Variants in PCSK2 observed in about 807,000 individuals in gnomAD.
PCSK2 encodes proprotein convertase subtilisin/kexin type 2.
A neutral mutation model predicts 69.7 loss-of-function variants in PCSK2; 14 were observed. The observed-to-expected ratio is 0.20, with a 90% CI of 0.13 to 0.31. The LOEUF is 0.31. Among genes scored for constraint, PCSK2 ranks in the 10% least tolerant of loss-of-function variants. The pLI, the probability that PCSK2 is intolerant of heterozygous loss-of-function variation, is 1.00. For synonymous variants in PCSK2, 307 were observed against 320.7 expected, an observed-to-expected ratio of 0.96 and a Z score of 0.46; for missense variants, 544 against 842.5, an observed-to-expected ratio of 0.65 and a Z score of 4.39.
At chr20:17,439,827 T>A (rs970549585) in intron 8 of PCSK2, among the ~76,000 whole-genome samples, 4 of 152,192 alleles carry the variant, frequency 2.6e-5, no homozygotes, top group African/African-American at 9.7e-5. Context: ...CCCCCAGACT[T>A]GCTTTGCAAA....
At chr20:17,409,618 C>T (rs958368709) in intron 6 of PCSK2, among the ~76,000 whole-genome samples, 1 of 152,226 alleles carries the variant, frequency 6.6e-6, no homozygotes, top group Non-Finnish European at 1.5e-5. Context: ...GAAGTTCTTT[C>T]TCAACCCATT....
At chr20:17,348,086 A>AGAAT (rs1491549519) in intron 2 of PCSK2, among the ~76,000 whole-genome samples, 1 of 141,536 alleles carries the variant, frequency 7.1e-6, no homozygotes, top group Non-Finnish European at 1.6e-5. Context: ...AAAGAAAGAA[A>AGAAT]GAAAGAAAGA....
chr20:17,327,601 C>A (rs1172795042), intron 2 of PCSK2, among the ~76,000 whole-genome samples: 1 of 152,224 alleles, frequency 6.6e-6, no homozygotes, highest in Non-Finnish European at 1.5e-5. Flanking sequence ...CTGCTCGCTG[C>A]CATGGCAACG....
intron 2 of PCSK2, among the ~76,000 whole-genome samples, chr20:17,357,392 T>C (rs2030239195): frequency 6.6e-6 from 1 of 152,240 alleles, no homozygotes; most frequent in Non-Finnish European, 1.5e-5. Context: ...TGTCTGTTTG[T>C]TCTTGTCTTG....
chr20:17,244,870 A>G (rs12624727), intron 1 of PCSK2, among the ~76,000 whole-genome samples: 11,719 of 152,190 alleles, frequency 0.077, 1,062 homozygotes, highest in African/African-American at 0.22. Context: ...TTGAGGAGTC[A>G]TTTCATCCCC....
intron 2 of PCSK2, among the ~76,000 whole-genome samples, chr20:17,308,340 T>C (rs112839042): frequency 0.015 from 2,233 of 152,244 alleles, 38 homozygotes; most frequent in Non-Finnish European, 0.021. Flanking sequence ...GATAATGTGA[T>C]AGAAGATAAA....
At chr20:17,269,401 G>A (rs894250147) in intron 2 of PCSK2, among the ~76,000 whole-genome samples, 1 of 152,116 alleles carries the variant, frequency 6.6e-6, no homozygotes, top group Non-Finnish European at 1.5e-5. Flanking sequence ...AGGATCAGAG[G>A]TCAAGAGAAG....
chr20:17,314,465 A>G (rs6136064), intron 2 of PCSK2, among the ~76,000 whole-genome samples: 45,037 of 152,092 alleles, frequency 0.3, 6,960 homozygotes, highest in Middle Eastern at 0.34. Flanking sequence ...TGGTTTGGCA[A>G]TTGTGAGCTA....
chr20:17,320,188 G>A (rs1989820429), intron 2 of PCSK2, among the ~76,000 whole-genome samples: 1 of 152,094 alleles, frequency 6.6e-6, no homozygotes, highest in Non-Finnish European at 1.5e-5. Flanking sequence ...GCCTTTCCAG[G>A]GAGAACTGTC....
chr20:17,441,707 C>T (rs2032600536), intron 8 of PCSK2, among the ~76,000 whole-genome samples: 1 of 152,034 alleles, frequency 6.6e-6, no homozygotes, highest in South Asian at 2.1e-4. Flanking sequence ...GACTTATTCA[C>T]TATCAAGAGA....
At chr20:17,334,302 C>T (rs1990288310) in intron 2 of PCSK2, among the ~76,000 whole-genome samples, 1 of 152,122 alleles carries the variant, frequency 6.6e-6, no homozygotes, top group African/African-American at 2.4e-5. Flanking sequence ...CCGGGTACCA[C>T]AGGCACACTG....
chr20:17,454,043 C>T lies in PCSK2; in HGVS notation c.1101+86C>T, dbSNP rs949024171. The T allele has an allele frequency of 5.1e-5, 79 of 1,544,416 alleles. No homozygotes were observed. The Admixed American group carries it at 1.5e-3, about 29-fold the overall frequency. ...GGATGCTGGGACACTGGCTTGCTCC[C>T]CTCCTGTCCCCTCCCTCAGAGCCTG... On this transcript the variant is annotated intron_variant, in intron 9 of 11. Transcript: ENST00000262545.
At chr20:17,244,789 C>T (rs532023139) in intron 1 of PCSK2, among the ~76,000 whole-genome samples, 1 of 152,294 alleles carries the variant, frequency 6.6e-6, no homozygotes, top group African/African-American at 2.4e-5. Flanking sequence ...AATGTATTTT[C>T]CTGAAGATGT....
chr20:17,376,144 C>T (rs546210080), intron 5 of PCSK2, among the ~76,000 whole-genome samples: 29 of 152,278 alleles, frequency 1.9e-4, no homozygotes, highest in Admixed American at 5.9e-4. Flanking sequence ...CCTGCTGCCA[C>T]GGCCTGAAGC....
At chr20:17,239,932 C>A (rs1986500839) in intron 1 of PCSK2, among the ~76,000 whole-genome samples, 1 of 136,844 alleles carries the variant, frequency 7.3e-6, no homozygotes, top group Non-Finnish European at 1.5e-5. Flanking sequence ...CAGCTCACTG[C>A]AACCTCCGCC....
intron 2 of PCSK2, among the ~76,000 whole-genome samples, chr20:17,318,522 G>A (rs1447838330): frequency 6.6e-6 from 1 of 152,156 alleles, no homozygotes; most frequent in African/African-American, 2.4e-5. Flanking sequence ...TATATGAGTT[G>A]GGTAATGTCA....
chr20:17,300,417 C>A (rs376391606), intron 2 of PCSK2, among the ~76,000 whole-genome samples: 1 of 152,240 alleles, frequency 6.6e-6, no homozygotes, highest in South Asian at 2.1e-4. Flanking sequence ...CTTGCCCATT[C>A]CCCAGAGGTC....
At chr20:17,288,901 A>C (rs1988605913) in intron 2 of PCSK2, among the ~76,000 whole-genome samples, 1 of 152,224 alleles carries the variant, frequency 6.6e-6, no homozygotes, top group Non-Finnish European at 1.5e-5. Context: ...ATCTAAATCA[A>C]CTTGCAGTTA....
chr20:17,425,655 C>T (rs1165635584), intron 6 of PCSK2, among the ~76,000 whole-genome samples: 2 of 152,136 alleles, frequency 1.3e-5, no homozygotes, highest in South Asian at 2.1e-4. Flanking sequence ...AGTGGCTTAG[C>T]GGCTTAGCAC....
Sources: gnomAD v4.1 joint callset for allele counts (sites outside exome capture counted in the v4.1 genomes callset) on GRCh38, gnomAD v4.1.1 for gene constraint, MANE v1.5 for transcripts, NCBI Gene and HGNC (gene_info 2026-07-23, HGNC 2026-07-21) for gene names.